KCTD8: variants seen among roughly 807,000 people sequenced by gnomAD.
The protein encoded by KCTD8 is potassium channel tetramerization domain containing 8, also known as BTB/POZ domain-containing protein KCTD8.
Under a neutral mutation model 31.5 loss-of-function variants are expected in KCTD8, and 27 were observed. The ratio of observed to expected loss-of-function variants is 0.86; its 90% CI spans 0.63 to 1.18. The LOEUF (loss-of-function observed/expected upper bound fraction) is 1.18. Ranked by LOEUF, KCTD8 falls within the 50% of genes most tolerant of loss-of-function variation. The pLI, the probability that KCTD8 is intolerant of heterozygous loss-of-function variation, is 0.00. For synonymous variants in KCTD8, 290 were observed against 280.0 expected (o/e 1.04, Z -0.36); for missense variants, 658 against 647.7 (o/e 1.02, Z -0.17).
At chr4:44,283,817 T>C (rs771714106) in intron 1 of KCTD8, among the ~76,000 whole-genome samples, 5 of 152,132 alleles carry the variant, frequency 3.3e-5, no homozygotes, top group Non-Finnish European at 7.3e-5. Context: ...ATCACAAGCA[T>C]TCCTGTACAT....
At chr4:44,271,144 A>T (rs1436542467) in intron 1 of KCTD8, among the ~76,000 whole-genome samples, 1 of 152,134 alleles carries the variant, frequency 6.6e-6, no homozygotes, top group East Asian at 1.9e-4. Context: ...AATCAATGTC[A>T]TGTTTACACT....
intron 1 of KCTD8, among the ~76,000 whole-genome samples, chr4:44,389,132 T>A (rs1382319013): frequency 1.3e-5 from 2 of 151,468 alleles, no homozygotes; most frequent in Admixed American, 1.3e-4. Flanking sequence ...CTGGGAAAGG[T>A]GGTGAGGATG....
intron 1 of KCTD8, among the ~76,000 whole-genome samples, chr4:44,403,527 T>C (rs1239835749): frequency 1.3e-5 from 2 of 152,070 alleles, no homozygotes; most frequent in Non-Finnish European, 2.9e-5. Context: ...TCAGGAGGTT[T>C]GGCTGCTCCT....
intron 1 of KCTD8, among the ~76,000 whole-genome samples, chr4:44,234,681 T>C (rs1055465805): frequency 1.3e-5 from 2 of 152,142 alleles, no homozygotes; most frequent in African/African-American, 4.8e-5. Context: ...GCCCTCCCTC[T>C]TGCTTCCTTT....
At chr4:44,410,077 G>A (rs1044121576) in intron 1 of KCTD8, among the ~76,000 whole-genome samples, 3 of 152,118 alleles carry the variant, frequency 2.0e-5, no homozygotes, top group Non-Finnish European at 4.4e-5. Context: ...TTTCTAAAAT[G>A]TATCACACAA....
chr4:44,205,142 A>C (rs1312210952), intron 1 of KCTD8, among the ~76,000 whole-genome samples: 1 of 152,198 alleles, frequency 6.6e-6, no homozygotes, highest in Admixed American at 6.5e-5. Flanking sequence ...AATCTCATGA[A>C]AATATTTCAT....
At chr4:44,437,957 G>A (rs1019984577) in intron 1 of KCTD8, among the ~76,000 whole-genome samples, 2 of 151,846 alleles carry the variant, frequency 1.3e-5, no homozygotes, top group Non-Finnish European at 2.9e-5. Flanking sequence ...AATAATTTGC[G>A]ACCACCACAC....
intron 1 of KCTD8, among the ~76,000 whole-genome samples, chr4:44,341,940 T>A (rs549964771): frequency 6.6e-6 from 1 of 152,298 alleles, no homozygotes; most frequent in African/African-American, 2.4e-5. Context: ...AGGAAATGTA[T>A]CTCTTAAATA....
Sources: gnomAD v4.1 joint callset for allele counts (sites outside exome capture counted in the v4.1 genomes callset) on GRCh38, gnomAD v4.1.1 for gene constraint, MANE v1.5 for transcripts, NCBI Gene and HGNC (gene_info 2026-07-23, HGNC 2026-07-21) for gene names.